HMCN2: variants seen among roughly 807,000 people sequenced by gnomAD.
HMCN2 encodes hemicentin-2.
A neutral mutation model predicts 377.5 loss-of-function variants in HMCN2; 325 were observed. That is an observed-to-expected ratio of 0.86 (90% CI 0.79 to 0.94). HMCN2 has a LOEUF of 0.94. Ranked by LOEUF, HMCN2 falls within the 40% of genes least tolerant of loss-of-function variation. The pLI, the probability that HMCN2 is intolerant of heterozygous loss-of-function variation, is 0.00. For missense variants in HMCN2, 4,543 were observed against 4,725.3 expected, an observed-to-expected ratio of 0.96 and a Z score of 1.13; for synonymous variants, 2,007 against 2,046.8, an observed-to-expected ratio of 0.98 and a Z score of 0.53.
intron 29 of HMCN2, among the ~76,000 whole-genome samples, chr9:130,350,614 C>G (rs914021200): frequency 6.1e-5 from 9 of 148,716 alleles, no homozygotes; most frequent in Admixed American, 3.3e-4. Flanking sequence ...GGGCCAGGTG[C>G]AGTGGCTCAC....
chr9:130,410,483 C>A, intron 84 of HMCN2, 88 bp from the exon 85 acceptor site: 1 of 1,237,702 alleles, frequency 8.1e-7, no homozygotes, highest in Non-Finnish European at 1.2e-6. Flanking sequence ...CCCTTGCTGG[C>A]TGGCTGCCCT....
At chr9:130,387,931 A>C (rs1002727724) in intron 61 of HMCN2, among the ~76,000 whole-genome samples, 2 of 152,218 alleles carry the variant, frequency 1.3e-5, no homozygotes, top group Non-Finnish European at 2.9e-5. Context: ...TAAAAAATAA[A>C]GTAACAAGAA....
At chr9:130,398,293 G>A (rs147703417) in intron 74 of HMCN2, among the ~76,000 whole-genome samples, 37 of 152,242 alleles carry the variant, frequency 2.4e-4, no homozygotes, top group African/African-American at 7.9e-4. Flanking sequence ...GGCCTCAGGT[G>A]GGGGCTGATG....
In HMCN2 at chr9:130,422,062, G is replaced by A. The variant is rs1278104732; in HGVS notation, c.13232-515G>A. 6.6e-6 allele frequency among the ~76,000 whole-genome samples: 1 copy of A among 152,222 alleles called. No individual in the cohort carries two copies. Among genetic ancestry groups the A allele is most frequent in the African/African-American group, 2.4e-5 (1 of 41,458 alleles). On this transcript the variant is annotated intron_variant, in intron 86 of 97. Coordinates refer to ENST00000683500, the MANE Select transcript of HMCN2 (RefSeq NM_001291815.2). This position sits in a 1 kb window ranked among gnomAD's most constrained non-coding sequence, Gnocchi z 4.2. ...GCTCACAGATGGCCTGGCGGGCAGC[G>A]GCTAGGAAACCAGCCCACCCGGCCA...
chr9:130,366,052 C>A (rs1840673824), intron 43 of HMCN2, 57 bp downstream of exon 43: 1 of 984,230 alleles, frequency 1.0e-6, no homozygotes, highest in African/African-American at 1.7e-5. Flanking sequence ...GGAGGCTATG[C>A]CCAGTCCCCA....
chr9:130,401,018 G>A, intron 77 of HMCN2, 71 bp downstream of exon 77: 22 of 1,201,240 alleles, frequency 1.8e-5, no homozygotes, highest in Non-Finnish European at 2.1e-5. Flanking sequence ...GGGGTGAAAG[G>A]TCACATGGCG....
intron 15 of HMCN2, among the ~76,000 whole-genome samples, chr9:130,312,093 T>C (rs1837275540): frequency 6.6e-6 from 1 of 152,018 alleles, no homozygotes; most frequent in South Asian, 2.1e-4. Context: ...CCTTTACAGA[T>C]AGGGAAAACA....
intron 40 of HMCN2, among the ~76,000 whole-genome samples, chr9:130,364,239 C>T (rs963815172): frequency 1.3e-5 from 2 of 152,204 alleles, no homozygotes; most frequent in African/African-American, 4.8e-5. Flanking sequence ...CAAGTGGCAT[C>T]CCCAGGGCCT....
chr9:130,368,814 C>T (rs1213618539), intron 44 of HMCN2, among the ~76,000 whole-genome samples: 2 of 152,064 alleles, frequency 1.3e-5, no homozygotes, highest in Non-Finnish European at 2.9e-5. Context: ...CTCACTCACT[C>T]GCTATCAATC....
At chr9:130,364,676 T>A in intron 40 of HMCN2, 38 bp from the exon 41 acceptor site, 1 of 979,294 alleles carries the variant, frequency 1.0e-6, no homozygotes, top group African/African-American at 1.7e-5. Context: ...GCCCCACCCA[T>A]GTGCCTGAGG....
Position 130,397,565 on chromosome 9 carries a change from C to T in HMCN2, c.11236C>T (p.Pro3746Ser), listed in dbSNP as rs910955004. The T allele has an allele frequency of 7.8e-7, 1 of 1,289,830 alleles. No homozygotes were observed. Among genetic ancestry groups the T allele is most frequent in the African/African-American group, 1.5e-5 (1 of 65,982 alleles). 79.9% of individuals were successfully genotyped at this position (1,289,830 alleles called of 1,614,324 possible). ...GCCTGAGGGTTCCCTGAGAATCCAG[C>T]CAGTCCTTGCCCAGGACGCCGGCCA... ...ILPEGSLRIQPVLAQDAGHYL... is the reference protein window; with the variant it reads ...ILPEGSLRIQSVLAQDAGHYL... Residue 3746 changes from proline (P) to serine (S), a missense_variant, in exon 74 of 98, where the codon CCA becomes TCA. Coordinates refer to ENST00000683500, the MANE Select transcript of HMCN2 (RefSeq NM_001291815.2).
rs79476865 is a variant in HMCN2 at position 130,414,397 on chromosome 9, C to T, written c.12961+3745C>T. ...AACCTGGGCTTCCACGCTGACCTGG[C>T]GGAAGTGAGTGGCACCACTTTTTCT... On this transcript the variant is annotated intron_variant, in intron 85 of 97. Coordinates refer to ENST00000683500, the MANE Select transcript of HMCN2 (RefSeq NM_001291815.2). The surrounding 1 kb of genome is among the most constrained non-coding windows in gnomAD (Gnocchi z 4.4). Among the ~76,000 whole-genome samples the T allele has an allele frequency of 7.1e-3, 1,079 of 152,262 alleles. 6 individuals carry two copies. The highest frequency in any genetic ancestry group is 0.01 in the African/African-American group (432 of 41,558).
At chr9:130,425,604 AT>A in intron 89 of HMCN2, 82 bp from the exon 90 acceptor site, 1 of 981,030 alleles carries the variant, frequency 1.0e-6, no homozygotes, top group Non-Finnish European at 1.6e-6. Context: ...AAATCTCAGC[AT>A]TTTCCTCCTC....
intron 94 of HMCN2, chr9:130,429,901 G>T: frequency 1.1e-6 from 1 of 910,586 alleles, no homozygotes; most frequent in Non-Finnish European, 1.6e-6. Flanking sequence ...GCCTGCCTGT[G>T]CACCAAAACC....
intron 25 of HMCN2, among the ~76,000 whole-genome samples, chr9:130,346,845 G>C (rs1262814802): frequency 8.5e-5 from 13 of 152,244 alleles, no homozygotes; most frequent in African/African-American, 3.1e-4. Context: ...GGGGCTGGGG[G>C]TGCCTGTTGG....
intron 64 of HMCN2, 34 bp from the exon 65 acceptor site, chr9:130,391,416 C>T (rs1000948315): frequency 1.1e-5 from 11 of 987,744 alleles, no homozygotes; most frequent in African/African-American, 3.5e-5. Flanking sequence ...TGTTCCCTTA[C>T]GCCTCTGCCC....
intron 82 of HMCN2, chr9:130,406,502 G>A: frequency 3.6e-6 from 1 of 278,090 alleles, no homozygotes; most frequent in South Asian, 3.8e-5. Context: ...GGGGCCCGTG[G>A]GGACTCTGTC....
chr9:130,306,777 T>G (rs546968794), intron 12 of HMCN2, 34 bp from the exon 13 acceptor site: 1 of 450,044 alleles, frequency 2.2e-6, no homozygotes, highest in African/African-American at 2.0e-5. Context: ...CAACCCCTTT[T>G]GTGACCCGAT....
intron 43 of HMCN2, among the ~76,000 whole-genome samples, chr9:130,366,468 T>TG (rs1840694140): frequency 1.6e-4 from 1 of 6,426 alleles, no homozygotes; most frequent in Non-Finnish European, 1.0e-3. Flanking sequence ...ACTTCACCAA[T>TG]TTTTTTTTTT....
Sources: gnomAD v4.1 joint callset for allele counts (sites outside exome capture counted in the v4.1 genomes callset) on GRCh38, gnomAD v4.1.1 for gene constraint, Gnocchi (gnomAD v3.1) non-coding constraint, MANE v1.5 for transcripts, NCBI Gene and HGNC (gene_info 2026-07-23, HGNC 2026-07-21) for gene names.